The following NEGR1 variants were observed in gnomAD, a reference collection of about 807,000 sequenced individuals.
The protein encoded by NEGR1 is IgLON family member 4.
NEGR1 carries 10 observed loss-of-function variants against 40.9 expected under a neutral mutation model. That is an observed-to-expected ratio of 0.24 (90% CI 0.15 to 0.42). NEGR1 has a LOEUF of 0.42. Among genes scored for constraint, NEGR1 ranks in the 10% least tolerant of loss-of-function variants. The pLI, the probability that NEGR1 is intolerant of heterozygous loss-of-function variation, is 1.00. For missense variants in NEGR1, 352 were observed against 438.9 expected (o/e 0.80, Z 1.77); for synonymous variants, 185 against 166.8 (o/e 1.11, Z -0.84).
chr1:71,502,612 G>C (rs1314457355), intron 6 of NEGR1, among the ~76,000 whole-genome samples: 1 of 152,156 alleles, frequency 6.6e-6, no homozygotes, highest in African/African-American at 2.4e-5. Context: ...CCTGATTTAA[G>C]TGGCCCACTC....
intron 6 of NEGR1, among the ~76,000 whole-genome samples, chr1:71,443,040 G>A (rs925894339): frequency 2.6e-5 from 4 of 152,184 alleles, no homozygotes; most frequent in African/African-American, 7.2e-5. Context: ...CTGCCTTTGA[G>A]TAATATTTGT....
At chr1:71,942,452 A>AAT (rs1409165579) in intron 1 of NEGR1, among the ~76,000 whole-genome samples, 1 of 34,262 alleles carries the variant, frequency 2.9e-5, no homozygotes, top group Non-Finnish European at 5.7e-5. Flanking sequence ...AAATTCTTTA[A>AAT]ATCTATATAT....
At chr1:71,602,238 CTTTTTTTT>C (rs386367303) in intron 5 of NEGR1, among the ~76,000 whole-genome samples, 10 of 64,568 alleles carry the variant, frequency 1.5e-4, no homozygotes, top group African/African-American at 5.2e-4. Flanking sequence ...CATGATTATT[CTTTTTTTT>C]TTTTTTTTTT....
rs192819326 is a variant in NEGR1 at position 71,702,076 on chromosome 1, A to G, written c.536-3937T>C. On this transcript the variant is annotated intron_variant, in intron 3 of 6. Transcript: ENST00000357731. ...AAAGCAAATAAAAGTAACTAGTAAGAAAAACCTCAAGCTTTTGATTTTTTT... is the reference window on the plus strand; with the variant it reads ...AAAGCAAATAAAAGTAACTAGTAAGGAAAACCTCAAGCTTTTGATTTTTTT... 4.6e-4 allele frequency among the ~76,000 whole-genome samples: 70 copies of G among 152,222 alleles called. No homozygotes were observed. The East Asian group carries it at 0.011, about 25-fold the overall frequency.
chr1:71,783,840 GTCCATCCA>G (rs376448737), intron 2 of NEGR1, among the ~76,000 whole-genome samples: 15 of 133,610 alleles, frequency 1.1e-4, no homozygotes, highest in Admixed American at 5.0e-4. Context: ...CCATCCACCC[GTCCATCCA>G]TCCATCCATC....
At chr1:71,940,916 A>T (rs1028871053) in intron 1 of NEGR1, among the ~76,000 whole-genome samples, 1 of 152,216 alleles carries the variant, frequency 6.6e-6, no homozygotes, top group Non-Finnish European at 1.5e-5. Flanking sequence ...AAACATAAGC[A>T]TTAGCACCAT....
At chr1:71,832,240 T>C (rs1658867308) in intron 2 of NEGR1, among the ~76,000 whole-genome samples, 1 of 151,994 alleles carries the variant, frequency 6.6e-6, no homozygotes, top group Non-Finnish European at 1.5e-5. Context: ...GGAAGAATAG[T>C]GATACCGGTG....
At chr1:72,040,669 G>T (rs1225943742) in intron 1 of NEGR1, among the ~76,000 whole-genome samples, 1 of 149,764 alleles carries the variant, frequency 6.7e-6, no homozygotes, top group Non-Finnish European at 1.5e-5. Context: ...TTGGGTTTGT[G>T]TGTGTATGTG....
chr1:71,851,683 G>C (rs1659606639), intron 2 of NEGR1, among the ~76,000 whole-genome samples: 1 of 152,026 alleles, frequency 6.6e-6, no homozygotes, highest in Non-Finnish European at 1.5e-5. Flanking sequence ...CTCATGAAGA[G>C]GGGCAAGAGA....
chr1:72,172,218 CACCTTA>C (rs1651989575), intron 1 of NEGR1, among the ~76,000 whole-genome samples: 1 of 152,056 alleles, frequency 6.6e-6, no homozygotes, highest in Non-Finnish European at 1.5e-5. Flanking sequence ...GAATTTCTTC[CACCTTA>C]GGCAGGTATA....
At chr1:71,722,215 A>G (rs1420547085) in intron 3 of NEGR1, among the ~76,000 whole-genome samples, 3 of 152,038 alleles carry the variant, frequency 2.0e-5, no homozygotes, top group African/African-American at 7.2e-5. Context: ...TGAGATGATG[A>G]TTGTCTCAAT....
chr1:71,444,744 C>T (rs200853136), intron 6 of NEGR1, among the ~76,000 whole-genome samples: 3 of 152,060 alleles, frequency 2.0e-5, no homozygotes, highest in Admixed American at 6.5e-5. Flanking sequence ...TCAAGAAAAA[C>T]TGTCAATCCC....
intron 1 of NEGR1, among the ~76,000 whole-genome samples, chr1:72,259,578 T>A (rs1655388430): frequency 6.6e-6 from 1 of 152,120 alleles, no homozygotes; most frequent in South Asian, 2.1e-4. Context: ...GTTTTTTCCA[T>A]CTGTAATTAG....
At chr1:71,660,315 G>T (rs1314095250) in intron 4 of NEGR1, among the ~76,000 whole-genome samples, 1 of 152,016 alleles carries the variant, frequency 6.6e-6, no homozygotes, top group Non-Finnish European at 1.5e-5. Flanking sequence ...ACACACATTG[G>T]GGTCTGCTTG....
chr1:71,970,650 TG>T (rs1646248490), intron 1 of NEGR1, among the ~76,000 whole-genome samples: 1 of 151,972 alleles, frequency 6.6e-6, no homozygotes, highest in African/African-American at 2.4e-5. Flanking sequence ...ATAGTGCCAC[TG>T]CAATCCACCC....
chr1:71,526,970 T>C (rs1220273102), intron 6 of NEGR1, among the ~76,000 whole-genome samples: 1 of 151,608 alleles, frequency 6.6e-6, no homozygotes, highest in Non-Finnish European at 1.5e-5. Context: ...CTCTGTACCT[T>C]TGTCCACATT....
At chr1:71,840,610 T>C (rs1159279075) in intron 2 of NEGR1, among the ~76,000 whole-genome samples, 1 of 152,166 alleles carries the variant, frequency 6.6e-6, no homozygotes, top group South Asian at 2.1e-4. Context: ...AAAGTTATGA[T>C]ACTCAGAGTA....
At chr1:71,982,027 A>G (rs1312552804) in intron 1 of NEGR1, among the ~76,000 whole-genome samples, 5 of 152,168 alleles carry the variant, frequency 3.3e-5, no homozygotes, top group African/African-American at 1.2e-4. Context: ...TTTGCATCCA[A>G]TGAGCAATGT....
intron 1 of NEGR1, among the ~76,000 whole-genome samples, chr1:72,030,397 C>A (rs1646846870): frequency 6.6e-6 from 1 of 151,972 alleles, no homozygotes; most frequent in South Asian, 2.1e-4. Flanking sequence ...TACTGAAGTA[C>A]TATTAACTGG....
Sources: gnomAD v4.1 joint callset for allele counts (sites outside exome capture counted in the v4.1 genomes callset) on GRCh38, gnomAD v4.1.1 for gene constraint, MANE v1.5 for transcripts, NCBI Gene and HGNC (gene_info 2026-07-23, HGNC 2026-07-21) for gene names.